CTPS2: variants seen among roughly 807,000 people sequenced by gnomAD.
CTPS2 encodes CTP synthase II.
In CTPS2, 19 loss-of-function variants were observed where a neutral mutation model predicts 46.8. That is an observed-to-expected ratio of 0.41 (90% CI 0.28 to 0.60). The LOEUF is 0.60. Among genes scored for constraint, CTPS2 ranks in the 20% least tolerant of loss-of-function variants. The probability of loss-of-function intolerance (pLI) is 0.35; values close to 1 mark genes in which losing one functional copy is unlikely to be tolerated. For synonymous variants in CTPS2, 151 were observed against 165.2 expected (o/e 0.91, Z 0.66); for missense variants, 286 against 447.6 (o/e 0.64, Z 3.26).
intron 14 of CTPS2, among the ~76,000 whole-genome samples, chrX:16,637,119 T>C (rs1931794347): frequency 1.8e-5 from 2 of 111,920 alleles, no homozygotes; most frequent in African/African-American, 6.5e-5. Flanking sequence ...ACTTTTTAAA[T>C]TGAGACGGAG....
intron 17 of CTPS2, among the ~76,000 whole-genome samples, chrX:16,598,897 A>G (rs1416025276): frequency 3.6e-5 from 4 of 111,932 alleles, no homozygotes; most frequent in African/African-American, 1.3e-4. Flanking sequence ...TGCAAGGCTG[A>G]TTCAATATAC....
At chrX:16,704,719 G>A (rs1019723928) in intron 1 of CTPS2, among the ~76,000 whole-genome samples, 3 of 111,079 alleles carry the variant, frequency 2.7e-5, no homozygotes, top group South Asian at 3.8e-4. Context: ...AGGCTGAGGC[G>A]GGCAGATCAC....
rs186035021 is a variant in CTPS2, at chrX:16,667,197, A to G, written c.1296+317T>C. Among the ~76,000 whole-genome samples the G allele has an allele frequency of 1.2e-3, 110 of 92,454 alleles. No individual in the cohort carries two copies. In the East Asian group the frequency reaches 0.025, roughly 21 times the overall value. The allele number at this position is 92,454 out of a possible 115,157, so 80.3% of individuals were successfully genotyped here. ...ACTGAGGCTGGAGTGCGGTGGCATGATCTTGGCTCACTGCAACCTCCACCT... is the reference window on the plus strand; with the variant it reads ...ACTGAGGCTGGAGTGCGGTGGCATGGTCTTGGCTCACTGCAACCTCCACCT... On this transcript the variant is annotated intron_variant, in intron 13 of 18. Coordinates refer to ENST00000359276, the MANE Select transcript of CTPS2 (RefSeq NM_175859.3).
At chrX:16,699,263 C>T (rs1241731242) in intron 2 of CTPS2, among the ~76,000 whole-genome samples, 170 bp from the exon 3 acceptor site, 1 of 111,503 alleles carries the variant, frequency 9.0e-6, no homozygotes, top group Admixed American at 9.6e-5. Flanking sequence ...CAAGAAAATG[C>T]ATCAGAAAAT....
intron 8 of CTPS2, among the ~76,000 whole-genome samples, chrX:16,685,724 G>T (rs1010440952): frequency 9.3e-6 from 1 of 107,154 alleles, no homozygotes; most frequent in African/African-American, 3.4e-5. Flanking sequence ...AAAATTAGCC[G>T]GGCGTGGTGG....
At chrX:16,642,799 T>C (rs953828120) in intron 13 of CTPS2, among the ~76,000 whole-genome samples, 1 of 112,415 alleles carries the variant, frequency 8.9e-6, no homozygotes, top group Non-Finnish European at 1.9e-5. Context: ...CATATCTATT[T>C]TATTGTTACT....
intron 14 of CTPS2, among the ~76,000 whole-genome samples, chrX:16,630,281 G>A (rs1320541997): frequency 7.2e-5 from 7 of 97,635 alleles, no homozygotes; most frequent in African/African-American, 2.3e-4. Context: ...TTGACACAGA[G>A]TCTTGCTCTG....
intron 14 of CTPS2, among the ~76,000 whole-genome samples, chrX:16,625,109 CA>C (rs1243739010): frequency 8.9e-6 from 1 of 111,927 alleles, no homozygotes; most frequent in African/African-American, 3.3e-5. Flanking sequence ...AAAAAAGCTA[CA>C]CAAGTTAAAA....
chrX:16,644,965 T>C (rs1308602829), intron 13 of CTPS2, among the ~76,000 whole-genome samples: 1 of 112,079 alleles, frequency 8.9e-6, no homozygotes, highest in Non-Finnish European at 1.9e-5. Flanking sequence ...TACTCAATAA[T>C]GGAATCTCTC....
chrX:16,617,240 G>A lies in CTPS2; in HGVS notation c.1456C>T (p.Pro486Ser). The change falls in exon 16 of 19, where the codon CCT becomes TCT. Residue 486 changes from proline (P) to serine (S), a missense_variant. Pro to Ser is a moderately conservative substitution (Grantham distance 74). Coordinates refer to ENST00000359276, the MANE Select transcript of CTPS2 (RefSeq NM_175859.3). Reference sequence around the variant, plus strand: ...TGCTCAAATTGTTTGATCAGGTTAGGGTTTACCTGCAAAACAAGAAATTAA... The same window carrying A: ...TGCTCAAATTGTTTGATCAGGTTAGAGTTTACCTGCAAAACAAGAAATTAA... ...ERHRHRFEVNPNLIKQFEQND... is the reference protein window; with the variant it reads ...ERHRHRFEVNSNLIKQFEQND... 1.8e-5 allele frequency: 21 copies of A among 1,199,816 alleles called. No individual in the cohort carries two copies. Among genetic ancestry groups the A allele is most frequent in the Non-Finnish European group, 2.4e-5 (21 of 887,087 alleles).
intron 17 of CTPS2, among the ~76,000 whole-genome samples, chrX:16,596,106 T>C (rs981211275): frequency 9.0e-6 from 1 of 111,710 alleles, no homozygotes; most frequent in East Asian, 2.8e-4. Context: ...ACTCCTGGAC[T>C]GAAGCAATAC....
At chrX:16,709,804 G>A (rs1013437218) in intron 1 of CTPS2, among the ~76,000 whole-genome samples, 1 of 86,402 alleles carries the variant, frequency 1.2e-5, no homozygotes, top group Non-Finnish European at 2.1e-5. Flanking sequence ...AGCCAAGATC[G>A]TGCCATTGCA....
intron 14 of CTPS2, among the ~76,000 whole-genome samples, chrX:16,621,054 A>G (rs1930799128): frequency 9.0e-6 from 1 of 111,325 alleles, no homozygotes; most frequent in African/African-American, 3.3e-5. Flanking sequence ...AAATGATAGC[A>G]CATCTATGCC....
At chrX:16,638,989 G>A (rs775242220) in intron 14 of CTPS2, 158 bp downstream of exon 14, 1 of 551,172 alleles carries the variant, frequency 1.8e-6, no homozygotes, top group South Asian at 2.4e-5. Flanking sequence ...CAGAGCAGAG[G>A]GTCAGTGAGG....
chrX:16,688,035 T>A (rs1033262252), intron 8 of CTPS2, among the ~76,000 whole-genome samples: 1 of 111,014 alleles, frequency 9.0e-6, no homozygotes, highest in Non-Finnish European at 1.9e-5. Context: ...AGAACCTACA[T>A]ACGTAACAGC....
intron 3 of CTPS2, among the ~76,000 whole-genome samples, 200 bp downstream of exon 3, chrX:16,698,723 G>A (rs1040345956): frequency 9.0e-6 from 1 of 110,810 alleles, no homozygotes; most frequent in Non-Finnish European, 1.9e-5. Context: ...GCTAATTTTT[G>A]TATTTTTAGT....
At chrX:16,674,702 G>T (rs979402344) in intron 10 of CTPS2, among the ~76,000 whole-genome samples, 4 of 106,900 alleles carry the variant, frequency 3.7e-5, no homozygotes, top group Non-Finnish European at 5.8e-5. Context: ...GCCGGGCGTG[G>T]TGGCAGGCGC....
intron 2 of CTPS2, among the ~76,000 whole-genome samples, chrX:16,702,306 G>A (rs1440976261): frequency 2.7e-5 from 3 of 110,927 alleles, no homozygotes; most frequent in East Asian, 2.8e-4. Flanking sequence ...CACCTGCCTC[G>A]GCCTCCCAAA....
intron 14 of CTPS2, among the ~76,000 whole-genome samples, chrX:16,626,810 C>T (rs1931179580): frequency 9.1e-6 from 1 of 110,176 alleles, no homozygotes. Flanking sequence ...CACTTTTTGC[C>T]CCATCTACCT....
Sources: allele counts gnomAD v4.1 joint callset (sites outside exome capture counted in the v4.1 genomes callset), GRCh38; gene constraint gnomAD v4.1.1; transcripts MANE v1.5; gene names NCBI Gene and HGNC (gene_info 2026-07-23, HGNC 2026-07-21).